The following PID1 variants were observed in gnomAD, a reference collection of about 807,000 sequenced individuals.
PID1 encodes the protein phosphotyrosine interaction domain containing 1, also known as PTB-containing, cubilin and LRP1-interacting protein.
A neutral mutation model predicts 19.1 loss-of-function variants in PID1; 10 were observed. That is an observed-to-expected ratio of 0.52 (90% CI 0.32 to 0.89). The LOEUF (loss-of-function observed/expected upper bound fraction) is 0.89, where lower values mean the gene tolerates loss of function less well. PID1 is among the 40% of genes least tolerant of loss of function. The probability of loss-of-function intolerance (pLI) is 0.03; values close to 1 mark genes in which losing one functional copy is unlikely to be tolerated. For missense variants in PID1, 248 were observed against 285.3 expected, an observed-to-expected ratio of 0.87 and a Z score of 0.94; for synonymous variants, 130 against 116.0, an observed-to-expected ratio of 1.12 and a Z score of -0.78.
chr2:229,106,194 C>G (rs1306222759), intron 2 of PID1, among the ~76,000 whole-genome samples: 1 of 151,704 alleles, frequency 6.6e-6, no homozygotes, highest in Non-Finnish European at 1.5e-5. Flanking sequence ...AACAGGTTAT[C>G]TCATATTTGG....
intron 2 of PID1, among the ~76,000 whole-genome samples, chr2:229,031,511 T>C (rs1340565274): frequency 2.6e-5 from 4 of 151,664 alleles, no homozygotes; most frequent in Admixed American, 6.6e-5. Flanking sequence ...AGGGCTATGA[T>C]TGCACCACTG....
chr2:229,253,245 A>G (rs1690201460), intron 1 of PID1, among the ~76,000 whole-genome samples: 1 of 152,056 alleles, frequency 6.6e-6, no homozygotes, highest in African/African-American at 2.4e-5. Flanking sequence ...CACTATTTCC[A>G]CTCTAGGCTC....
chr2:229,067,696 T>C (rs766584587), intron 2 of PID1, among the ~76,000 whole-genome samples: 1 of 152,142 alleles, frequency 6.6e-6, no homozygotes, highest in Non-Finnish European at 1.5e-5. Context: ...GATAGGATAA[T>C]GTCTATATTC....
intron 1 of PID1, among the ~76,000 whole-genome samples, chr2:229,163,588 C>T (rs1386792173): frequency 1.4e-5 from 2 of 147,630 alleles, no homozygotes; most frequent in Non-Finnish European, 3.0e-5. Flanking sequence ...TATGCAAAAG[C>T]CCCCAAGGCT....
At chr2:229,065,484 T>C (rs1694304871) in intron 2 of PID1, among the ~76,000 whole-genome samples, 1 of 152,100 alleles carries the variant, frequency 6.6e-6, no homozygotes, top group Non-Finnish European at 1.5e-5. Context: ...CTCATTTCTA[T>C]TATAAATTTT....
At chr2:229,228,807 C>G (rs1436669926) in intron 1 of PID1, among the ~76,000 whole-genome samples, 1 of 152,110 alleles carries the variant, frequency 6.6e-6, no homozygotes, top group African/African-American at 2.4e-5. Context: ...ATCCTTTTAT[C>G]CACAAAAATA....
intron 2 of PID1, among the ~76,000 whole-genome samples, chr2:229,071,624 G>A (rs1276987657): frequency 6.6e-6 from 1 of 152,164 alleles, no homozygotes; most frequent in Non-Finnish European, 1.5e-5. Context: ...ATGGATTCAT[G>A]CACGCTAAGT....
intron 1 of PID1, among the ~76,000 whole-genome samples, chr2:229,265,524 G>A (rs886503746): frequency 6.6e-6 from 1 of 152,152 alleles, no homozygotes; most frequent in African/African-American, 2.4e-5. Context: ...AATGACAGTA[G>A]ACTAATTCCA....
At chr2:229,141,401 G>A (rs1690008252) in intron 2 of PID1, among the ~76,000 whole-genome samples, 1 of 152,098 alleles carries the variant, frequency 6.6e-6, no homozygotes, top group Admixed American at 6.6e-5. Context: ...GGGGAGAACA[G>A]AAGAAAAGGG....
chr2:229,265,470 A>G (rs1160267045), intron 1 of PID1, among the ~76,000 whole-genome samples: 1 of 152,262 alleles, frequency 6.6e-6, no homozygotes, highest in Non-Finnish European at 1.5e-5. Context: ...ATCACTGATT[A>G]GCAGCTAAAT....
At chr2:229,198,399 C>T (rs922840672) in intron 1 of PID1, among the ~76,000 whole-genome samples, 9 of 152,046 alleles carry the variant, frequency 5.9e-5, no homozygotes, top group Non-Finnish European at 1.3e-4. Flanking sequence ...CCCACACTCT[C>T]TCCTGATCTA....
chr2:229,098,767 C>T (rs780160260), intron 2 of PID1, among the ~76,000 whole-genome samples: 2 of 152,236 alleles, frequency 1.3e-5, no homozygotes, highest in Non-Finnish European at 2.9e-5. Flanking sequence ...GCAACTCTCC[C>T]GCTAGCTATT....
intron 2 of PID1, among the ~76,000 whole-genome samples, chr2:229,084,655 C>A (rs1229826234): frequency 6.6e-6 from 1 of 152,176 alleles, no homozygotes; most frequent in Non-Finnish European, 1.5e-5. Context: ...CAACTTTCAA[C>A]CACTACAGTA....
intron 2 of PID1, among the ~76,000 whole-genome samples, chr2:229,094,500 G>C (rs545651288): frequency 1.7e-4 from 26 of 152,038 alleles, no homozygotes; most frequent in African/African-American, 6.0e-4. Context: ...TAAGCAAAAA[G>C]AACAAATCTA....
At chr2:229,234,266 A>G (rs1375612897) in intron 1 of PID1, among the ~76,000 whole-genome samples, 2 of 152,228 alleles carry the variant, frequency 1.3e-5, no homozygotes, top group African/African-American at 2.4e-5. Flanking sequence ...AAGCTGGTCA[A>G]TTAAAGTTGT....
intron 1 of PID1, among the ~76,000 whole-genome samples, chr2:229,262,060 C>T (rs550624136): frequency 1.5e-4 from 23 of 152,282 alleles, no homozygotes; most frequent in Middle Eastern, 3.4e-3. Context: ...TTTAAATATA[C>T]TTCTTTGTCA....
At chr2:229,195,026 G>A (rs1173358758) in intron 1 of PID1, among the ~76,000 whole-genome samples, 2 of 151,848 alleles carry the variant, frequency 1.3e-5, no homozygotes, top group Non-Finnish European at 2.9e-5. Flanking sequence ...ATGACAGTCA[G>A]TGAATGTTTT....
chr2:229,062,987 G>C (rs775316886), intron 2 of PID1, among the ~76,000 whole-genome samples: 3 of 151,854 alleles, frequency 2.0e-5, no homozygotes, highest in Non-Finnish European at 2.9e-5. Context: ...TTTTGTTTCT[G>C]ATTTCATTTA....
chr2:229,132,173 A>T (rs767310981), intron 2 of PID1, among the ~76,000 whole-genome samples: 1 of 152,174 alleles, frequency 6.6e-6, no homozygotes, highest in Non-Finnish European at 1.5e-5. Context: ...TACACTTATT[A>T]TCTCAGGGGA....
Sources: gnomAD v4.1 joint callset for allele counts (sites outside exome capture counted in the v4.1 genomes callset) on GRCh38, gnomAD v4.1.1 for gene constraint, MANE v1.5 for transcripts, NCBI Gene and HGNC (gene_info 2026-07-23, HGNC 2026-07-21) for gene names.